MAP2K5: variants seen among roughly 807,000 people sequenced by gnomAD.
The protein encoded by MAP2K5 is dual specificity mitogen-activated protein kinase kinase 5.
In MAP2K5, 49 loss-of-function variants were observed where a neutral mutation model predicts 83.1. The observed-to-expected ratio is 0.59, with a 90% CI of 0.47 to 0.75. The LOEUF (loss-of-function observed/expected upper bound fraction) is 0.75. MAP2K5 is among the 30% of genes least tolerant of loss of function. MAP2K5 has a pLI of 0.00. For synonymous variants in MAP2K5, 202 were observed against 191.8 expected (o/e 1.05, Z -0.44); for missense variants, 457 against 557.5 (o/e 0.82, Z 1.82).
chr15:67,670,278 A>G (rs1249725512), intron 13 of MAP2K5: 1 of 387,966 alleles, frequency 2.6e-6, no homozygotes, highest in South Asian at 1.9e-5. Context: ...TTTCCATCCT[A>G]TGGGATGGAA....
rs1239654063 is a variant in MAP2K5, at chr15:67,586,917, C to T, written c.431+4C>T. On this transcript the variant is annotated splice_donor_region_variant and intron_variant, in intron 6 of 21. Transcript: ENST00000178640. ...CAGATTCACTTCCAAGCAATAGGTG[C>T]GAGCGAGCAAGTAAAGTGTGCCCTT... 6 of 1,613,914 alleles carry T rather than the reference C, an allele frequency of 3.7e-6. No individual in the cohort carries two copies. The highest frequency in any genetic ancestry group is 2.2e-5 in the East Asian group (1 of 44,868).
intron 15 of MAP2K5, among the ~76,000 whole-genome samples, chr15:67,699,748 T>A (rs2088365604): frequency 6.6e-6 from 1 of 152,190 alleles, no homozygotes; most frequent in Non-Finnish European, 1.5e-5. Flanking sequence ...ATCAGATGCA[T>A]ACAGACTTAA....
Position 67,772,728 on chromosome 15 carries a change from A to G in MAP2K5, c.1218A>G (p.Glu406=). Residue 406 remains glutamate, a synonymous_variant, in exon 21 of 22, where the codon GAA becomes GAG. Coordinates refer to ENST00000178640, the MANE Select transcript of MAP2K5 (RefSeq NM_145160.3). ...ATAGTATGCGAAAACAGCCAAAAGA[A>G]AGGCCAGCACCTGAAGAATTGATGG... The part of the protein sequence containing the change: ...ITQCMRKQPK[E]RPAPEELMGH... 1 of 1,604,642 alleles carries G rather than the reference A, an allele frequency of 6.2e-7. No homozygotes were observed. The highest frequency in any genetic ancestry group is 8.5e-7 in the Non-Finnish European group (1 of 1,175,528).
At chr15:67,571,206 A>AT (rs903856524) in intron 3 of MAP2K5, among the ~76,000 whole-genome samples, 1 of 152,030 alleles carries the variant, frequency 6.6e-6, no homozygotes, top group Non-Finnish European at 1.5e-5. Context: ...GAAGTTGTTT[A>AT]TTTTTTTCCC....
chr15:67,630,849 A>C lies in MAP2K5; in HGVS notation c.546-39A>C, dbSNP rs377264537. The C allele has an allele frequency of 3.3e-6, 5 of 1,523,624 alleles. No individual in the cohort carries two copies. The African/African-American group carries it at 6.8e-5, about 21-fold the overall frequency. The allele number at this position is 1,523,624 out of a possible 1,614,324, so 94.4% of individuals were successfully genotyped here. On this transcript the variant is annotated intron_variant, in intron 8 of 21. Coordinates refer to ENST00000178640, the MANE Select transcript of MAP2K5 (RefSeq NM_145160.3). ...TCCTTAACCATTTTGTAGGTTGTTT[A>C]GTGATCCCAAATGATTTTGTTTTTT...
chr15:67,732,962 G>A (rs1026702140), intron 17 of MAP2K5, among the ~76,000 whole-genome samples: 4 of 152,150 alleles, frequency 2.6e-5, no homozygotes, highest in Admixed American at 2.6e-4. Flanking sequence ...TGTGGGGAGG[G>A]GGGGCTTAAC....
At chr15:67,683,948 AAGTC>A (rs1465903417) in intron 13 of MAP2K5, among the ~76,000 whole-genome samples, 1 of 152,250 alleles carries the variant, frequency 6.6e-6, no homozygotes, top group African/African-American at 2.4e-5. Flanking sequence ...CAAATGAAGT[AAGTC>A]CTACTATCAC....
rs2090408176 is a variant in MAP2K5 at position 67,785,934 on chromosome 15, CT to C, written c.1242+13184del. On this transcript the variant is annotated intron_variant, in intron 21 of 21. Transcript: ENST00000178640. The surrounding 1 kb of genome is among the most constrained non-coding windows in gnomAD (Gnocchi z 4.4). Reference sequence around the variant, plus strand: ...AAACTGGGCAGGCAACAGCTGTTTACTTAGCCCATCTGAGCCTGAGCTGCTT... The same window carrying C: ...AAACTGGGCAGGCAACAGCTGTTTACTAGCCCATCTGAGCCTGAGCTGCTT... Among the ~76,000 whole-genome samples the C allele has an allele frequency of 6.6e-6, 1 of 152,130 alleles. No individual in the cohort carries two copies. The highest frequency in any genetic ancestry group is 2.1e-4 in the South Asian group (1 of 4,828).
intron 9 of MAP2K5, chr15:67,641,653 A>C (rs954146306): frequency 1.4e-5 from 14 of 983,826 alleles, no homozygotes; most frequent in Non-Finnish European, 1.5e-5. Flanking sequence ...GTGGAAATGC[A>C]CCAAGGTATT....
At chr15:67,707,036 C>T (rs903898718) in intron 16 of MAP2K5, among the ~76,000 whole-genome samples, 5 of 152,204 alleles carry the variant, frequency 3.3e-5, no homozygotes, top group Non-Finnish European at 1.5e-5. Flanking sequence ...CTGCCTCAGC[C>T]TCCCGAGTAG....
At chr15:67,621,885 T>C (rs775793831) in intron 8 of MAP2K5, among the ~76,000 whole-genome samples, 5 of 152,002 alleles carry the variant, frequency 3.3e-5, no homozygotes, top group Non-Finnish European at 7.4e-5. Context: ...GCTAACTCTG[T>C]GAAGAATAAA....
intron 7 of MAP2K5, 139 bp downstream of exon 7, chr15:67,593,113 G>A (rs762529426): frequency 4.8e-5 from 30 of 625,388 alleles, no homozygotes; most frequent in African/African-American, 3.8e-5. Flanking sequence ...AATTTGATTG[G>A]CAGAACAATT....
chr15:67,776,156 G>A (rs925425427), intron 21 of MAP2K5, among the ~76,000 whole-genome samples: 3 of 152,166 alleles, frequency 2.0e-5, no homozygotes, highest in African/African-American at 4.8e-5. Context: ...AAGCGTGCAG[G>A]CAGCCAAGAA....
rs768501316 is a variant in MAP2K5, at chr15:67,736,664, G to T, written c.1074+8719G>T. ...TATATAGAATTATATACAGAATCTC[G>T]TCATTTTTAGTTCAGTTACTGGGGA... On this transcript the variant is annotated intron_variant, in intron 17 of 21. Coordinates refer to ENST00000178640, the MANE Select transcript of MAP2K5 (RefSeq NM_145160.3). This position sits in a 1 kb window ranked among gnomAD's most constrained non-coding sequence, Gnocchi z 4.3. Among the ~76,000 whole-genome samples the T allele has an allele frequency of 5.9e-5, 9 of 151,988 alleles. No homozygotes were observed. The highest frequency in any genetic ancestry group is 2.2e-4 in the African/African-American group (9 of 41,358).
Position 67,760,974 on chromosome 15 carries a change from C to T in MAP2K5, c.1135-8628C>T, listed in dbSNP as rs1380088337. On this transcript the variant is annotated intron_variant, in intron 19 of 21. Transcript: ENST00000178640. This position sits in a 1 kb window ranked among gnomAD's most constrained non-coding sequence, Gnocchi z 4.1. Reference sequence around the variant, plus strand: ...TTGCCGGCTGTTAATTTTCTCTAAACCAGGGAAAATGTGTATGTGAGCAGT... The same window carrying T: ...TTGCCGGCTGTTAATTTTCTCTAAATCAGGGAAAATGTGTATGTGAGCAGT... Among the ~76,000 whole-genome samples, 1 of 152,012 alleles carries T rather than the reference C, an allele frequency of 6.6e-6. No homozygotes were observed. Among genetic ancestry groups the T allele is most frequent in the Non-Finnish European group, 1.5e-5 (1 of 67,998 alleles).
intron 15 of MAP2K5, among the ~76,000 whole-genome samples, chr15:67,695,586 A>G (rs1419178115): frequency 6.6e-6 from 1 of 152,146 alleles, no homozygotes; most frequent in Non-Finnish European, 1.5e-5. Flanking sequence ...AAGAATATGA[A>G]ACACTGTAAT....
chr15:67,692,713 G>T (rs79525259), intron 14 of MAP2K5, among the ~76,000 whole-genome samples, 161 bp downstream of exon 14: 1 of 152,100 alleles, frequency 6.6e-6, no homozygotes, highest in Non-Finnish European at 1.5e-5. Context: ...ATCTCTGAGC[G>T]AGTTTCCTTC....
chr15:67,583,859 C>T (rs576679002), intron 4 of MAP2K5, among the ~76,000 whole-genome samples: 7 of 152,158 alleles, frequency 4.6e-5, no homozygotes, highest in African/African-American at 1.4e-4. Context: ...GCAGTTCTCT[C>T]GCCTCAGCTC....
Position 67,779,613 on chromosome 15 carries a change from A to G in MAP2K5, c.1242+6861A>G, listed in dbSNP as rs563422570. On this transcript the variant is annotated intron_variant, in intron 21 of 21. Coordinates refer to ENST00000178640, the MANE Select transcript of MAP2K5 (RefSeq NM_145160.3). The surrounding 1 kb of genome is among the most constrained non-coding windows in gnomAD (Gnocchi z 4.6). ...GACAGTTTTAATCTCCCAGTTAAGC[A>G]TAGCTTTTTTCCTCCATCAGTCAAG... 6.6e-6 allele frequency among the ~76,000 whole-genome samples: 1 copy of G among 152,388 alleles called. No individual in the cohort carries two copies. Among genetic ancestry groups the G allele is most frequent in the African/African-American group, 2.4e-5 (1 of 41,590 alleles).
Sources: allele counts gnomAD v4.1 joint callset (sites outside exome capture counted in the v4.1 genomes callset), GRCh38; gene constraint gnomAD v4.1.1; non-coding constraint Gnocchi (gnomAD v3.1); transcripts MANE v1.5; gene names NCBI Gene and HGNC (gene_info 2026-07-23, HGNC 2026-07-21).